HCN1: variants seen among roughly 807,000 people sequenced by gnomAD.
HCN1 encodes the protein potassium/sodium hyperpolarization-activated cyclic nucleotide-gated channel 1.
In HCN1, 13 loss-of-function variants were observed where a neutral mutation model predicts 78.9. That is an observed-to-expected ratio of 0.16 (90% confidence interval 0.11 to 0.26). The LOEUF (loss-of-function observed/expected upper bound fraction) is 0.26. Among genes scored for constraint, HCN1 ranks in the 10% least tolerant of loss-of-function variants. The pLI, the probability that HCN1 is intolerant of heterozygous loss-of-function variation, is 1.00. For synonymous variants in HCN1, 552 were observed against 455.5 expected (o/e 1.21, Z -2.70); for missense variants, 810 against 1,154.3 (o/e 0.70, Z 4.32).
intron 1 of HCN1, among the ~76,000 whole-genome samples, chr5:45,683,224 A>G (rs1021647954): frequency 6.6e-6 from 1 of 152,204 alleles, no homozygotes; most frequent in South Asian, 2.1e-4. Flanking sequence ...CAATTATTTC[A>G]GTAAATCATT....
intron 5 of HCN1, among the ~76,000 whole-genome samples, chr5:45,321,398 C>T (rs1746123270): frequency 6.6e-6 from 1 of 151,398 alleles, no homozygotes; most frequent in African/African-American, 2.4e-5. Context: ...AAAAGTATTG[C>T]CAAGGCTACA....
chr5:45,339,898 A>G lies in HCN1; in HGVS notation c.1377+13202T>C, dbSNP rs901200866. On this transcript the variant is annotated intron_variant, in intron 5 of 7. Transcript: ENST00000303230. ...TAAATTATGGTGTGGCAGGAGGAAG[A>G]ATAGTTTTTAATTTATGTATGTATT... Among the ~76,000 whole-genome samples, 4 of 152,050 alleles carry G rather than the reference A, an allele frequency of 2.6e-5. No homozygotes were observed. In the East Asian group the frequency reaches 7.7e-4, roughly 29 times the overall value.
At chr5:45,561,610 AC>A (rs201728729) in intron 2 of HCN1, among the ~76,000 whole-genome samples, 3 of 147,784 alleles carry the variant, frequency 2.0e-5, no homozygotes, top group Non-Finnish European at 4.5e-5. Context: ...AAAAAAAAAA[AC>A]CCAGGTAAGA....
At chr5:45,575,274 G>C (rs1743915877) in intron 2 of HCN1, 1 of 152,054 alleles carries the variant, frequency 6.6e-6, no homozygotes, top group African/African-American at 2.4e-5. Context: ...TGAAGCCAAT[G>C]TTCATTGACT....
intron 6 of HCN1, among the ~76,000 whole-genome samples, chr5:45,268,851 C>T (rs113857376): frequency 1.8e-4 from 28 of 152,176 alleles, no homozygotes; most frequent in African/African-American, 5.3e-4. Flanking sequence ...AATTACCATA[C>T]CATGGAATTT....
intron 5 of HCN1, among the ~76,000 whole-genome samples, chr5:45,350,079 A>T (rs1262575809): frequency 6.6e-6 from 1 of 152,178 alleles, no homozygotes; most frequent in Non-Finnish European, 1.5e-5. Flanking sequence ...CAAAAAAAAG[A>T]ATTTTAGACC....
At chr5:45,439,550 T>C (rs926488321) in intron 3 of HCN1, among the ~76,000 whole-genome samples, 9 of 152,048 alleles carry the variant, frequency 5.9e-5, no homozygotes, top group South Asian at 2.1e-4. Flanking sequence ...TTGAGAAAAA[T>C]TGTCAAATTC....
At chr5:45,300,621 C>T (rs1396908165) in intron 6 of HCN1, among the ~76,000 whole-genome samples, 2 of 152,000 alleles carry the variant, frequency 1.3e-5, no homozygotes, top group Admixed American at 1.3e-4. Flanking sequence ...TTAAGGCTTC[C>T]AGCCAACAGT....
chr5:45,323,177 C>T (rs1445344193), intron 5 of HCN1, among the ~76,000 whole-genome samples: 3 of 151,682 alleles, frequency 2.0e-5, no homozygotes, highest in Non-Finnish European at 4.4e-5. Context: ...AAAAATTCAG[C>T]ATCCAAATCA....
At chr5:45,553,968 A>G (rs1391857783) in intron 2 of HCN1, among the ~76,000 whole-genome samples, 4 of 151,930 alleles carry the variant, frequency 2.6e-5, no homozygotes, top group East Asian at 1.9e-4. Context: ...TTCTCCCACC[A>G]TCTGTTACAG....
chr5:45,306,848 A>C (rs1485466654), intron 5 of HCN1, among the ~76,000 whole-genome samples: 1 of 152,060 alleles, frequency 6.6e-6, no homozygotes, highest in Non-Finnish European at 1.5e-5. Context: ...AAATTGAGGA[A>C]AGGTTGCTTG....
At chr5:45,509,773 A>G (rs1193923802) in intron 2 of HCN1, among the ~76,000 whole-genome samples, 2 of 152,138 alleles carry the variant, frequency 1.3e-5, no homozygotes, top group African/African-American at 2.4e-5. Context: ...GCAATTTAGA[A>G]TCTAAAGAAT....
At chr5:45,263,956 G>T (rs891995508) in intron 7 of HCN1, among the ~76,000 whole-genome samples, 4 of 152,136 alleles carry the variant, frequency 2.6e-5, no homozygotes, top group Non-Finnish European at 5.9e-5. Context: ...ACCGTGCCCG[G>T]TTAATTTTTT....
intron 4 of HCN1, among the ~76,000 whole-genome samples, chr5:45,391,053 C>T (rs749052125): frequency 2.6e-5 from 4 of 151,678 alleles, no homozygotes; most frequent in South Asian, 2.1e-4. Context: ...ATTCAGTTCC[C>T]GGGAAGCAAA....
intron 5 of HCN1, among the ~76,000 whole-genome samples, chr5:45,346,368 GAAT>G (rs1411840005): frequency 3.1e-4 from 47 of 152,180 alleles, no homozygotes; most frequent in African/African-American, 1.0e-3. Flanking sequence ...TAAGAAATAT[GAAT>G]AATGGTTGGC....
intron 6 of HCN1, among the ~76,000 whole-genome samples, chr5:45,280,661 C>T (rs935380013): frequency 1.3e-5 from 2 of 152,296 alleles, no homozygotes; most frequent in Middle Eastern, 3.4e-3. Flanking sequence ...CTCTAATAAT[C>T]CAAGGTGCCA....
At chr5:45,290,245 T>C (rs1012775861) in intron 6 of HCN1, among the ~76,000 whole-genome samples, 1 of 152,034 alleles carries the variant, frequency 6.6e-6, no homozygotes, top group African/African-American at 2.4e-5. Context: ...ATTAAACCTC[T>C]CTTTCTTTAT....
At chr5:45,465,005 C>A (rs975828367) in intron 2 of HCN1, among the ~76,000 whole-genome samples, 12 of 152,112 alleles carry the variant, frequency 7.9e-5, no homozygotes, top group Admixed American at 1.3e-4. Flanking sequence ...GTGGCTAACA[C>A]TATTGATCAA....
chr5:45,435,391 A>G (rs905091243), intron 3 of HCN1, among the ~76,000 whole-genome samples: 1 of 152,158 alleles, frequency 6.6e-6, no homozygotes, highest in Non-Finnish European at 1.5e-5. Flanking sequence ...CTGAAACATC[A>G]GTCATTCCAA....
Sources: allele counts gnomAD v4.1 joint callset (sites outside exome capture counted in the v4.1 genomes callset), GRCh38; gene constraint gnomAD v4.1.1; transcripts MANE v1.5; gene names NCBI Gene and HGNC (gene_info 2026-07-23, HGNC 2026-07-21).